The following DNAAF1 variants were observed in gnomAD, a reference collection of about 807,000 sequenced individuals.
DNAAF1 encodes the protein dynein axonemal assembly factor 1.
In DNAAF1, 65 loss-of-function variants were observed where a neutral mutation model predicts 71.1. The ratio of observed to expected loss-of-function variants is 0.91; its 90% CI spans 0.75 to 1.12. The LOEUF (loss-of-function observed/expected upper bound fraction) is 1.12, where lower values mean the gene tolerates loss of function less well. Among genes scored for constraint, DNAAF1 ranks in the 50% most tolerant of loss-of-function variants. The pLI, the probability that DNAAF1 is intolerant of heterozygous loss-of-function variation, is 0.00. For synonymous variants in DNAAF1, 414 were observed against 354.6 expected, an observed-to-expected ratio of 1.17 and a Z score of -1.88; for missense variants, 1,178 against 899.8, an observed-to-expected ratio of 1.31 and a Z score of -3.96.
chr16:84,155,805 T>C, intron 5 of DNAAF1, 56 bp downstream of exon 5: 1 of 1,597,292 alleles, frequency 6.3e-7, no homozygotes, highest in Admixed American at 1.7e-5. Flanking sequence ...GCTTCTATTA[T>C]TTTCATCAAA....
In DNAAF1 at chr16:84,174,564, T is replaced by C. The variant is rs545882696; in HGVS notation, c.1645-105T>C. Reference sequence around the variant, plus strand: ...GAGTCACCTGAGTGATTTGAGTAACTGTAACTAAGGCTGGGTTGACTGCGT... The same window carrying C: ...GAGTCACCTGAGTGATTTGAGTAACCGTAACTAAGGCTGGGTTGACTGCGT... On this transcript the variant is annotated intron_variant, in intron 9 of 11. Transcript: ENST00000378553. 4.6e-5 allele frequency: 73 copies of C among 1,603,434 alleles called. 1 individual carries two copies. In the East Asian group the frequency reaches 6.5e-4, roughly 14 times the overall value.
At chr16:84,148,900 ACTGGTGTT>A in intron 1 of DNAAF1, 99 bp from the exon 2 acceptor site, 1 of 1,287,714 alleles carries the variant, frequency 7.8e-7, no homozygotes, top group Non-Finnish European at 1.1e-6. Context: ...ACTAAAGAAT[ACTGGTGTT>A]CTATACTAAA....
intron 9 of DNAAF1, chr16:84,173,896 T>C (rs935792028): frequency 5.2e-5 from 8 of 152,650 alleles, no homozygotes; most frequent in African/African-American, 1.9e-4. Flanking sequence ...GGGCAATTTA[T>C]CTCTCACATT....
chr16:84,167,061 C>G (rs535437177), intron 7 of DNAAF1, among the ~76,000 whole-genome samples: 4 of 152,306 alleles, frequency 2.6e-5, no homozygotes, highest in Admixed American at 2.6e-4. Context: ...CCGCGAGTCT[C>G]AGGGTGTCGC....
Position 84,170,284 on chromosome 16 carries a change from G to A in DNAAF1, c.1456G>A (p.Gly486Arg), listed in dbSNP as rs565586534. The change falls in exon 8 of 12, where the codon GGA becomes AGA. Residue 486 changes from glycine (G) to arginine (R), a missense_variant. Transcript: ENST00000378553. ...SPPVKVKGED[G>R]DREPEGTLPA... ...GCCTGTGAAGGTTAAAGGAGAGGAT[G>A]GAGATCGAGAGCCAGAGGGGACCCT... The A allele has an allele frequency of 1.2e-6, 2 of 1,609,442 alleles. No homozygotes were observed. Among genetic ancestry groups the A allele is most frequent in the Admixed American group, 1.7e-5 (1 of 59,066 alleles).
At chr16:84,172,598 C>T in intron 9 of DNAAF1, 1 of 1,365,338 alleles carries the variant, frequency 7.3e-7, no homozygotes, top group Non-Finnish European at 9.5e-7. Flanking sequence ...GATTCGTGCA[C>T]ATGCATGCTC....
intron 9 of DNAAF1, chr16:84,173,525 T>C: frequency 1.0e-6 from 1 of 983,314 alleles, no homozygotes; most frequent in Non-Finnish European, 1.2e-6. Context: ...TCTAGTTTTC[T>C]GGAGCTATGT....
At chr16:84,152,491 C>A (rs1372314076) in intron 3 of DNAAF1, among the ~76,000 whole-genome samples, 1 of 148,810 alleles carries the variant, frequency 6.7e-6, no homozygotes, top group Non-Finnish European at 1.5e-5. Flanking sequence ...AAAAATAACA[C>A]ACACAAAAAT....
At chr16:84,172,796 C>T (rs1290429292) in intron 9 of DNAAF1, 3 of 1,069,226 alleles carry the variant, frequency 2.8e-6, no homozygotes, top group South Asian at 6.0e-5. Flanking sequence ...TTCCCCCCTC[C>T]GTGGACACCG....
chr16:84,164,725 G>A (rs1039431773), intron 6 of DNAAF1, among the ~76,000 whole-genome samples: 4 of 152,142 alleles, frequency 2.6e-5, no homozygotes, highest in African/African-American at 7.2e-5. Flanking sequence ...TGCTGTAAAC[G>A]TCCATGTGCA....
chr16:84,159,360 C>A, intron 5 of DNAAF1: 1 of 715,866 alleles, frequency 1.4e-6, no homozygotes, highest in Non-Finnish European at 1.9e-6. Flanking sequence ...GGTTGGGTAG[C>A]AAAACTAATA....
At chr16:84,149,886 G>GT (rs2087104502) in intron 2 of DNAAF1, among the ~76,000 whole-genome samples, 1 of 151,728 alleles carries the variant, frequency 6.6e-6, no homozygotes, top group Non-Finnish European at 1.5e-5. Flanking sequence ...TTAGCCAGGT[G>GT]TGGTGGCGCA....
rs191687677 is a variant in DNAAF1 at position 84,165,973 on chromosome 16, A to C, written c.1030+24A>C. 15 of 1,608,982 alleles carry C rather than the reference A, an allele frequency of 9.3e-6. No homozygotes were observed. The Admixed American group carries it at 2.0e-4, about 22-fold the overall frequency. On this transcript the variant is annotated intron_variant, in intron 7 of 11. Coordinates refer to ENST00000378553, the MANE Select transcript of DNAAF1 (RefSeq NM_178452.6). ...AGGTATGCGCTCGGCCGAAGACAAC[A>C]GCCCCAGAGTTCCTTTGAGATTAGG...
At position 84,177,732 on chromosome 16, in the gene DNAAF1, C is replaced by T. The variant is rs1392242655; in HGVS notation, c.2069C>T (p.Pro690Leu). 1.5e-5 allele frequency: 25 copies of T among 1,613,484 alleles called. No individual in the cohort carries two copies. The highest frequency in any genetic ancestry group is 6.6e-5 in the South Asian group (6 of 91,080). The part of the protein sequence containing the change: ...SDFLAASSPV[P>L]TESAATPPET... ...CAGGTCACCCTTCCTTCCACAGTGC[C>T]GACTGAGAGCGCCGCCACACCCCCA... Residue 690 changes from proline (P) to leucine (L), a missense_variant, in exon 12 of 12, where the codon CCG (proline) becomes CTG (leucine). Coordinates refer to ENST00000378553, the MANE Select transcript of DNAAF1 (RefSeq NM_178452.6).
chr16:84,156,688 C>G (rs1444983687), intron 5 of DNAAF1, among the ~76,000 whole-genome samples: 1 of 152,170 alleles, frequency 6.6e-6, no homozygotes. Flanking sequence ...ACTCTCTCAG[C>G]ATCTGTTAGC....
At chr16:84,173,158 G>A in intron 9 of DNAAF1, 1 of 985,884 alleles carries the variant, frequency 1.0e-6, no homozygotes, top group Non-Finnish European at 1.2e-6. Context: ...AATTTCACAT[G>A]GCCCAGTAGG....
intron 7 of DNAAF1, among the ~76,000 whole-genome samples, chr16:84,166,402 G>C (rs2088001774): frequency 1.4e-5 from 2 of 140,012 alleles, no homozygotes; most frequent in Non-Finnish European, 3.1e-5. Context: ...GTTGGGACAG[G>C]ATCTTACTCT....
chr16:84,148,707 A>G (rs2087042838), intron 1 of DNAAF1, among the ~76,000 whole-genome samples: 1 of 148,788 alleles, frequency 6.7e-6, no homozygotes, highest in African/African-American at 2.5e-5. Flanking sequence ...CGAGTGATCA[A>G]CCTGCCTCAG....
chr16:84,176,400 G>A (rs1261939520), intron 11 of DNAAF1, 101 bp downstream of exon 11: 3 of 1,559,026 alleles, frequency 1.9e-6, no homozygotes, highest in South Asian at 1.1e-5. Context: ...GAGCTTTCAT[G>A]TTGCTGGAGG....
Sources: gnomAD v4.1 joint callset for allele counts (sites outside exome capture counted in the v4.1 genomes callset) on GRCh38, gnomAD v4.1.1 for gene constraint, MANE v1.5 for transcripts, NCBI Gene and HGNC (gene_info 2026-07-23, HGNC 2026-07-21) for gene names.